Variants in TCF19 observed in about 807,000 individuals in gnomAD.
The protein encoded by TCF19 is transcription factor 19.
A neutral mutation model predicts 18.3 loss-of-function variants in TCF19; 9 were observed. The ratio of observed to expected loss-of-function variants is 0.49; its 90% CI spans 0.30 to 0.86. TCF19 has a LOEUF of 0.86. Ranked by LOEUF, TCF19 falls within the 40% of genes least tolerant of loss-of-function variation. TCF19 has a pLI of 0.07. For synonymous variants in TCF19, 176 were observed against 185.3 expected (o/e 0.95, Z 0.41); for missense variants, 376 against 464.3 (o/e 0.81, Z 1.75).
In TCF19 at chr6:31,162,788, T is replaced by C; in HGVS notation, c.*71T>C. ...CACAGCAGCGAGCAAATAGGTCTGA[T>C]AAATACCCCCCTTCCCTTCCCTCCC... On this transcript the variant is annotated 3_prime_UTR_variant, in exon 4 of 4. Transcript: ENST00000376257. This position sits in a 1 kb window ranked among gnomAD's most constrained non-coding sequence, Gnocchi z 4.5. 14 of 1,559,960 alleles carry C rather than the reference T, an allele frequency of 9.0e-6. No individual in the cohort carries two copies. Among genetic ancestry groups the C allele is most frequent in the Non-Finnish European group, 1.2e-5 (14 of 1,159,076 alleles).
At position 31,163,132 on chromosome 6, in the gene TCF19, C is replaced by G. The variant is rs1776914615; in HGVS notation, c.*415C>G. Reference sequence around the variant, plus strand: ...TCTGGGAAAACCTAGGGCCTGGCCCCAAAACTTCCCTACTCTGTGGCTAGT... The same window carrying G: ...TCTGGGAAAACCTAGGGCCTGGCCCGAAAACTTCCCTACTCTGTGGCTAGT... On this transcript the variant is annotated 3_prime_UTR_variant, in exon 4 of 4. Coordinates refer to ENST00000376257, the MANE Select transcript of TCF19 (RefSeq NM_007109.3). 9.7e-7 allele frequency: 1 copy of G among 1,030,242 alleles called. No homozygotes were observed. The highest frequency in any genetic ancestry group is 1.7e-5 in the African/African-American group (1 of 58,954). 63.8% of individuals were successfully genotyped at this position (1,030,242 alleles called of 1,614,324 possible). A position where few individuals can be genotyped will look rare whatever the true frequency, so the allele number is the denominator to read the frequency against.
In TCF19 at chr6:31,161,775, C is replaced by T. The variant is rs191318867; in HGVS notation, c.567C>T (p.Pro189=). ...GCCTCAGCAAGCTCCGGCCCCAGCC[C>T]CTCACCTTCTCCCCTAGTTGGGGTG... ...IGSLSKLRPQ[P]LTFSPSWGGP... Residue 189 remains proline (P), a synonymous_variant, in exon 3 of 4, where the codon CCC becomes CCT. Transcript: ENST00000376257. The T allele has an allele frequency of 1.2e-6, 2 of 1,605,846 alleles. No individual in the cohort carries two copies. Among genetic ancestry groups the T allele is most frequent in the East Asian group, 4.5e-5 (2 of 44,786 alleles).
chr6:31,163,839 A>G lies in TCF19; in HGVS notation c.*1122A>G. 1.2e-6 allele frequency: 1 copy of G among 809,236 alleles called. No homozygotes were observed. The highest frequency in any genetic ancestry group is 1.5e-6 in the Non-Finnish European group (1 of 679,870). The allele number at this position is 809,236 out of a possible 1,614,324, so 50.1% of individuals were successfully genotyped here. ...TAATGAGCCCAAGTTTTTAAAATGG[A>G]AGAAATGACTCTGGGGCAAAGACCC... On this transcript the variant is annotated 3_prime_UTR_variant, in exon 4 of 4. Coordinates refer to ENST00000376257, the MANE Select transcript of TCF19 (RefSeq NM_007109.3).
rs1776571160 is a variant in TCF19 at position 31,159,345 on chromosome 6, C to A, written c.-125C>A. On this transcript the variant is annotated 5_prime_UTR_variant, in exon 2 of 4. Coordinates refer to ENST00000376257, the MANE Select transcript of TCF19 (RefSeq NM_007109.3). ...GGTAGTGTGCTCAAAGTTGAAACCG[C>A]ATACAGCACAACTCAAGTTTGCATC... 1 of 871,902 alleles carries A rather than the reference C, an allele frequency of 1.1e-6. No individual in the cohort carries two copies. The highest frequency in any genetic ancestry group is 1.7e-6 in the Non-Finnish European group (1 of 571,428). The allele number at this position is 871,902 out of a possible 1,614,324, so 54.0% of individuals were successfully genotyped here.
chr6:31,159,886 G>A (rs1393603045), intron 2 of TCF19, among the ~76,000 whole-genome samples, 179 bp downstream of exon 2: 3 of 152,220 alleles, frequency 2.0e-5, no homozygotes, highest in African/African-American at 7.2e-5. Context: ...CTCTCTGCCA[G>A]ACTGACCCTT....
Position 31,161,756 on chromosome 6 carries a change from G to A in TCF19, c.548G>A (p.Ser183Asn). 6.3e-7 allele frequency: 1 copy of A among 1,593,074 alleles called. No homozygotes were observed. The highest frequency in any genetic ancestry group is 8.5e-7 in the Non-Finnish European group (1 of 1,169,626). Residue 183 changes from serine (S) to asparagine (N), a missense_variant, in exon 3 of 4, where the codon AGC becomes AAC. Physicochemically the swap from Ser to Asn is conservative, Grantham distance 46. Transcript: ENST00000376257. Reference sequence around the variant, plus strand: ...ATCCTAAACTCCATAGGCAGCCTCAGCAAGCTCCGGCCCCAGCCCCTCACC... The same window carrying A: ...ATCCTAAACTCCATAGGCAGCCTCAACAAGCTCCGGCCCCAGCCCCTCACC... ...TLILNSIGSL[S>N]KLRPQPLTFS...
chr6:31,161,607 C>T lies in TCF19; in HGVS notation c.399C>T (p.Ala133=). 1.9e-6 allele frequency: 3 copies of T among 1,580,624 alleles called. No homozygotes were observed. Among genetic ancestry groups the T allele is most frequent in the South Asian group, 1.2e-5 (1 of 85,676 alleles). The change falls in exon 3 of 4, where the codon GCC becomes GCT. Residue 133 remains alanine, a synonymous_variant. Transcript: ENST00000376257. The part of the protein sequence containing the change: ...QVRVKPQDFA[A]ITIPRSRGEA... ...GAGTCAAGCCTCAGGACTTTGCTGC[C>T]ATTACCATCCCACGGTCTAGGGGAG...
chr6:31,159,350 A>G lies in TCF19; in HGVS notation c.-120A>G. 2.2e-6 allele frequency: 2 copies of G among 919,936 alleles called. No homozygotes were observed. The highest frequency in any genetic ancestry group is 2.9e-5 in the Admixed American group (1 of 34,764). The allele number at this position is 919,936 out of a possible 1,614,324, so 57.0% of individuals were successfully genotyped here. ...TGTGCTCAAAGTTGAAACCGCATAC[A>G]GCACAACTCAAGTTTGCATCAGACT... On this transcript the variant is annotated 5_prime_UTR_variant, in exon 2 of 4. Coordinates refer to ENST00000376257, the MANE Select transcript of TCF19 (RefSeq NM_007109.3).
At chr6:31,160,023 G>T (rs72856721) in intron 2 of TCF19, among the ~76,000 whole-genome samples, 13,137 of 152,270 alleles carry the variant, frequency 0.086, 674 homozygotes, top group Middle Eastern at 0.16. Context: ...GAGGCACTCT[G>T]TTCCTGGGTT....
In TCF19 at chr6:31,162,534, A is replaced by C; in HGVS notation, c.855A>C (p.Ala285=). 6.2e-7 allele frequency: 1 copy of C among 1,612,782 alleles called. No individual in the cohort carries two copies. The highest frequency in any genetic ancestry group is 2.2e-5 in the East Asian group (1 of 44,866). The change falls in exon 4 of 4, where the codon GCA becomes GCC. Residue 285 remains alanine (A), a synonymous_variant. Coordinates refer to ENST00000376257, the MANE Select transcript of TCF19 (RefSeq NM_007109.3). The surrounding 1 kb of genome is among the most constrained non-coding windows in gnomAD (Gnocchi z 4.5). The part of the protein sequence containing the change: ...YPVSAPMAPP[A]VGGGEPCAAP... ...TGAGCGCTCCCATGGCTCCCCCTGC[A>C]GTTGGGGGCGGGGAGCCCTGTGCAG... is the stretch of plus-strand genomic sequence containing the variant.
rs1040830403 is a variant in TCF19, at chr6:31,161,844, G to A, written c.636G>A (p.Gly212=). 8.1e-6 allele frequency: 13 copies of A among 1,612,894 alleles called. No homozygotes were observed. The highest frequency in any genetic ancestry group is 1.7e-5 in the Admixed American group (1 of 60,004). Residue 212 remains glycine, a synonymous_variant, in exon 3 of 4, where the codon GGG becomes GGA. Coordinates refer to ENST00000376257, the MANE Select transcript of TCF19 (RefSeq NM_007109.3). ...LPVPAPPGEM[G]TTPSAPPQRN... The stretch of plus-strand genomic sequence containing the variant: ...TTCCCGCCCCACCTGGGGAAATGGG[G>A]ACCACGCCTTCTGCTCCACCACAAC...
rs1354094761 is a variant in TCF19 at position 31,162,036 on chromosome 6, T to C, written c.797+31T>C. Reference sequence around the variant, plus strand: ...TGGAGTCCTCACTTGGCCCTCTCAGTGTTTTACTGCTTTTCGATTCCTTGT... The same window carrying C: ...TGGAGTCCTCACTTGGCCCTCTCAGCGTTTTACTGCTTTTCGATTCCTTGT... On this transcript the variant is annotated intron_variant, in intron 3 of 3. Transcript: ENST00000376257. This position sits in a 1 kb window ranked among gnomAD's most constrained non-coding sequence, Gnocchi z 4.5. The C allele has an allele frequency of 6.4e-7, 1 of 1,569,522 alleles. No individual in the cohort carries two copies. The highest frequency in any genetic ancestry group is 1.2e-5 in the South Asian group (1 of 84,588).
Position 31,162,698 on chromosome 6 carries a change from GGGCT to G in TCF19, c.1023_1026del (p.Gly342PhefsTer17). The G allele has an allele frequency of 2.5e-6, 4 of 1,611,582 alleles. No homozygotes were observed. Among genetic ancestry groups the G allele is most frequent in the Non-Finnish European group, 3.4e-6 (4 of 1,179,952 alleles). ...GCCGACTTCCGATGCCCAGGGTGCC[GGGCT>G]GGCATTCAGACCTAAGGTCCACTGC... On this transcript the variant is annotated frameshift_variant, in exon 4 of 4. Transcript: ENST00000376257. LOFTEE classifies it high-confidence loss of function. This position sits in a 1 kb window ranked among gnomAD's most constrained non-coding sequence, Gnocchi z 4.5.
At position 31,162,276 on chromosome 6, in the gene TCF19, TA is replaced by T. The variant is rs1776836448; in HGVS notation, c.798-199del. 6.6e-6 allele frequency among the ~76,000 whole-genome samples: 1 copy of T among 152,178 alleles called. No homozygotes were observed. The highest frequency in any genetic ancestry group is 2.4e-5 in the African/African-American group (1 of 41,434). On this transcript the variant is annotated intron_variant, in intron 3 of 3. Coordinates refer to ENST00000376257, the MANE Select transcript of TCF19 (RefSeq NM_007109.3). The surrounding 1 kb of genome is among the most constrained non-coding windows in gnomAD (Gnocchi z 4.5). ...GCTTTAACCCCATTCTTCTAGTGCCTAAGGATGGGGAACTTTCAGGCTCATA... is the reference window on the plus strand; with the variant it reads ...GCTTTAACCCCATTCTTCTAGTGCCTAGGATGGGGAACTTTCAGGCTCATA...
At position 31,159,102 on chromosome 6, in the gene TCF19, C is replaced by A. The variant is rs1776547284; in HGVS notation, c.-368C>A. 2 of 295,178 alleles carry A rather than the reference C, an allele frequency of 6.8e-6. No homozygotes were observed. The highest frequency in any genetic ancestry group is 1.5e-4 in the South Asian group (2 of 13,008). The allele number at this position is 295,178 out of a possible 1,614,324, so 18.3% of individuals were successfully genotyped here. ...CCTCCTTCCCCGCGCCCCGCCACCCCGACACACACAGGAGCTGCCTAAAGT... is the reference window on the plus strand; with the variant it reads ...CCTCCTTCCCCGCGCCCCGCCACCCAGACACACACAGGAGCTGCCTAAAGT... On this transcript the variant is annotated 5_prime_UTR_variant, in exon 2 of 4. Coordinates refer to ENST00000376257, the MANE Select transcript of TCF19 (RefSeq NM_007109.3).
chr6:31,159,462 C>A lies in TCF19; in HGVS notation c.-8C>A, dbSNP rs1452437038. 1.9e-6 allele frequency: 3 copies of A among 1,554,396 alleles called. No homozygotes were observed. The South Asian group carries it at 3.5e-5, about 18-fold the overall frequency. On this transcript the variant is annotated 5_prime_UTR_variant, in exon 2 of 4. Coordinates refer to ENST00000376257, the MANE Select transcript of TCF19 (RefSeq NM_007109.3). ...AGTGGAAGAGGTGGTGCAGAGGGGG[C>A]ACCGCCCATGCTGCCCTGCTTCCAA...
rs1333713724 is a variant in TCF19 at position 31,162,000 on chromosome 6, C to T, written c.792C>T (p.Pro264=). 1.9e-6 allele frequency: 3 copies of T among 1,606,600 alleles called. No homozygotes were observed. The African/African-American group carries it at 4.0e-5, about 21-fold the overall frequency. Residue 264 remains proline (P), a synonymous_variant, in exon 3 of 4, where the codon CCC becomes CCT. Transcript: ENST00000376257. ...GTGTAGACAAAGCCCCACTGACTCC[C>T]ACTGGGTAAGTGGAGTCCTCACTTG... is the stretch of plus-strand genomic sequence containing the variant. ...KLRVDKAPLT[P]TGNRRGRPRK... is the part of the protein sequence containing the mutation.
Position 31,162,100 on chromosome 6 carries a change from T to C in TCF19, c.797+95T>C. Reference sequence around the variant, plus strand: ...GAGGAGGTCCCCCTGCCTGGGGGGATGGGCACGGGAGGTGGAATAGATGGA... The same window carrying C: ...GAGGAGGTCCCCCTGCCTGGGGGGACGGGCACGGGAGGTGGAATAGATGGA... On this transcript the variant is annotated intron_variant, in intron 3 of 3. Transcript: ENST00000376257. The surrounding 1 kb of genome is among the most constrained non-coding windows in gnomAD (Gnocchi z 4.5). 2 of 1,332,722 alleles carry C rather than the reference T, an allele frequency of 1.5e-6. No individual in the cohort carries two copies. Among genetic ancestry groups the C allele is most frequent in the Non-Finnish European group, 2.0e-6 (2 of 987,388 alleles). 82.6% of individuals were successfully genotyped at this position (1,332,722 alleles called of 1,614,324 possible).
rs1776942262 is a variant in TCF19, at chr6:31,163,521, G to A, written c.*804G>A. ...AAGATAGCAGAAGATTTATTTACAG[G>A]CTTCACCTGTACTGTCAGGGCAAGA... On this transcript the variant is annotated 3_prime_UTR_variant, in exon 4 of 4. Transcript: ENST00000376257. 1.0e-6 allele frequency: 1 copy of A among 985,324 alleles called. No homozygotes were observed. The highest frequency in any genetic ancestry group is 1.2e-6 in the Non-Finnish European group (1 of 829,944). The allele number at this position is 985,324 out of a possible 1,614,324, so 61.0% of individuals were successfully genotyped here. A position where few individuals can be genotyped will look rare whatever the true frequency, so the allele number is the denominator to read the frequency against.
Sources: gnomAD v4.1 joint callset for allele counts (sites outside exome capture counted in the v4.1 genomes callset) on GRCh38, gnomAD v4.1.1 for gene constraint, Gnocchi (gnomAD v3.1) non-coding constraint, MANE v1.5 for transcripts, NCBI Gene and HGNC (gene_info 2026-07-23, HGNC 2026-07-21) for gene names.